The following CDKL5 variants were observed in gnomAD, a reference collection of about 807,000 sequenced individuals.
The protein encoded by CDKL5 is cyclin dependent kinase like 5.
CDKL5 carries 8 observed loss-of-function variants against 61.7 expected under a neutral mutation model. The ratio of observed to expected loss-of-function variants is 0.13; its 90% CI spans 0.08 to 0.23. The LOEUF is 0.23. Among genes scored for constraint, CDKL5 ranks in the 10% least tolerant of loss-of-function variants. The pLI, the probability that CDKL5 is intolerant of heterozygous loss-of-function variation, is 1.00. For synonymous variants in CDKL5, 275 were observed against 272.3 expected, an observed-to-expected ratio of 1.01 and a Z score of -0.10; for missense variants, 440 against 734.5, an observed-to-expected ratio of 0.60 and a Z score of 4.63.
intron 3 of CDKL5, among the ~76,000 whole-genome samples, chrX:18,538,606 G>C (rs1282475491): frequency 9.0e-6 from 1 of 111,615 alleles, no homozygotes; most frequent in Non-Finnish European, 1.9e-5. Context: ...TTTTGTACAA[G>C]GTGTGAGATA....
intron 1 of CDKL5, among the ~76,000 whole-genome samples, chrX:18,483,129 A>G (rs1353463284): frequency 3.6e-5 from 4 of 111,498 alleles, no homozygotes; most frequent in African/African-American, 1.3e-4. Context: ...TACATCATCT[A>G]TTGTGTTTCA....
At chrX:18,588,190 T>G in intron 9 of CDKL5, 47 bp downstream of exon 9, 1 of 969,026 alleles carries the variant, frequency 1.0e-6, no homozygotes, top group East Asian at 3.0e-5. Flanking sequence ...ACTGCAGTAT[T>G]TGAGTCATTG....
At chrX:18,588,383 T>C (rs1181513013) in intron 9 of CDKL5, 1 of 328,097 alleles carries the variant, frequency 3.0e-6, no homozygotes, top group African/African-American at 2.7e-5. Context: ...TTTTTCAAAA[T>C]CTTTTTTAGT....
At chrX:18,609,034 T>G in intron 13 of CDKL5, 122 bp downstream of exon 13, 1 of 531,277 alleles carries the variant, frequency 1.9e-6, no homozygotes, top group East Asian at 3.6e-5. Flanking sequence ...GTAAGTAGTT[T>G]TCCTTGTGGC....
At chrX:18,582,770 A>G (rs1020968637) in intron 7 of CDKL5, among the ~76,000 whole-genome samples, 50 of 111,653 alleles carry the variant, frequency 4.5e-4, no homozygotes, top group African/African-American at 1.6e-3. Flanking sequence ...CACAAGCAAG[A>G]AATAGAGGCA....
chrX:18,595,996 T>C (rs1925980407), intron 10 of CDKL5, among the ~76,000 whole-genome samples: 1 of 111,437 alleles, frequency 9.0e-6, no homozygotes, highest in African/African-American at 3.3e-5. Flanking sequence ...AATTTCTTTA[T>C]TCAAGTTTAT....
At chrX:18,608,114 C>A (rs1926424486) in intron 12 of CDKL5, among the ~76,000 whole-genome samples, 1 of 111,010 alleles carries the variant, frequency 9.0e-6, no homozygotes, top group African/African-American at 3.3e-5. Context: ...TCGGTGAACA[C>A]CATTGTGGAC....
chrX:18,504,767 T>C (rs1403320137), intron 1 of CDKL5, among the ~76,000 whole-genome samples: 1 of 108,539 alleles, frequency 9.2e-6, no homozygotes, highest in East Asian at 2.9e-4. Context: ...CCGTCTCTAC[T>C]AAAAAAAATA....
At position 18,575,400 on chromosome X, in the gene CDKL5, T is replaced by G. The variant is rs145496868; in HGVS notation, c.192T>G (p.Leu64=). The G allele has an allele frequency of 1.4e-4, 167 of 1,206,491 alleles. No homozygotes were observed. Among genetic ancestry groups the G allele is most frequent in the Middle Eastern group, 2.3e-4 (1 of 4,354 alleles). ...KETTLRELKM[L]RTLKQENIVE... is the part of the protein sequence containing the mutation. ...CGACTTTACGAGAGCTTAAAATGCT[T>G]CGGACTCTCAAGCAGGAAAACATTG... is the stretch of plus-strand genomic sequence containing the variant. The change falls in exon 5 of 18, where the codon CTT becomes CTG. Residue 64 remains leucine (L), a synonymous_variant. Coordinates refer to ENST00000623535, the MANE Select transcript of CDKL5 (RefSeq NM_001323289.2).
At position 18,608,837 on chromosome X, in the gene CDKL5, G is replaced by A; in HGVS notation, c.1971G>A (p.Met657Ile). The A allele has an allele frequency of 8.3e-7, 1 of 1,207,665 alleles. No individual in the cohort carries two copies. Among genetic ancestry groups the A allele is most frequent in the South Asian group, 1.8e-5 (1 of 56,857 alleles). ...PQPGEQLPPEMTVARSSVKET... is the reference protein window; with the variant it reads ...PQPGEQLPPEITVARSSVKET... ...CTGGAGAACAGCTCCCTCCAGAGATGACTGTGGCAAGATCTTCGGTCAAAG... is the reference window on the plus strand; with the variant it reads ...CTGGAGAACAGCTCCCTCCAGAGATAACTGTGGCAAGATCTTCGGTCAAAG... Residue 657 changes from methionine to isoleucine, a missense_variant, in exon 13 of 18, where the codon ATG becomes ATA. Physicochemically the swap from Met to Ile is conservative, Grantham distance 10 (BLOSUM62 1). Coordinates refer to ENST00000623535, the MANE Select transcript of CDKL5 (RefSeq NM_001323289.2).
At chrX:18,525,078 A>G (rs1362017698) in intron 3 of CDKL5, among the ~76,000 whole-genome samples, 2 of 111,121 alleles carry the variant, frequency 1.8e-5, no homozygotes, top group East Asian at 5.6e-4. Flanking sequence ...TCATGCCACC[A>G]TGCCCTGCTA....
intron 1 of CDKL5, among the ~76,000 whole-genome samples, chrX:18,469,188 A>G (rs1033958138): frequency 3.8e-5 from 4 of 105,967 alleles, no homozygotes; most frequent in African/African-American, 1.0e-4. Flanking sequence ...AAAATACAAA[A>G]ATTAGCCAGG....
chrX:18,435,262 T>A (rs1931585809), intron 1 of CDKL5, among the ~76,000 whole-genome samples: 1 of 111,919 alleles, frequency 8.9e-6, no homozygotes, highest in African/African-American at 3.2e-5. Context: ...ATATTAACTT[T>A]AATTGCTAGT....
At chrX:18,587,430 A>G (rs1925676378) in intron 8 of CDKL5, among the ~76,000 whole-genome samples, 1 of 111,732 alleles carries the variant, frequency 8.9e-6, no homozygotes, top group Non-Finnish European at 1.9e-5. Flanking sequence ...TCTTAGCACA[A>G]TCTTAGTCAT....
At chrX:18,652,584 G>A (rs892202938) in intron 21 of CDKL5, among the ~76,000 whole-genome samples, 11 of 111,249 alleles carry the variant, frequency 9.9e-5, no homozygotes, top group East Asian at 2.8e-4. Flanking sequence ...CAGGAGAATC[G>A]CTTGAACCCA....
chrX:18,473,581 T>A (rs1288419651), intron 1 of CDKL5, among the ~76,000 whole-genome samples: 2 of 110,194 alleles, frequency 1.8e-5, no homozygotes, highest in Admixed American at 2.0e-4. Flanking sequence ...CCTCCACTTT[T>A]CCCCCTTCTC....
At chrX:18,489,745 A>G (rs192761825) in intron 1 of CDKL5, among the ~76,000 whole-genome samples, 1,332 of 110,269 alleles carry the variant, frequency 0.012, 12 homozygotes, top group Non-Finnish European at 0.02. Context: ...TCTCCCTGAA[A>G]TGTACAAAAC....
chrX:18,616,255 G>T, intron 15 of CDKL5, among the ~76,000 whole-genome samples: 1 of 112,121 alleles, frequency 8.9e-6, no homozygotes, highest in Middle Eastern at 4.6e-3. Flanking sequence ...AAGACAAAAT[G>T]TATAAATATG....
Position 18,509,197 on chromosome X carries a change from G to GCACGCGCGCGCGCA in CDKL5, c.65-1620_65-1619insGCGCGCGCGCACAC, listed in dbSNP as rs1204561636. ...AGAGAGCGAGACTGTCTCAAAACACGCACACACACACACACACACACACAC... is the reference window on the plus strand; with the variant it reads ...AGAGAGCGAGACTGTCTCAAAACACGCACGCGCGCGCGCACACACACACACACACACACACACAC... On this transcript the variant is annotated intron_variant, in intron 2 of 17. Coordinates refer to ENST00000623535, the MANE Select transcript of CDKL5 (RefSeq NM_001323289.2). Among the ~76,000 whole-genome samples the GCACGCGCGCGCGCA allele has an allele frequency of 5.1e-4, 33 of 64,308 alleles. No individual in the cohort carries two copies. In the East Asian group the frequency reaches 0.015, roughly 30 times the overall value. The allele number at this position is 64,308 out of a possible 115,157, so 55.8% of individuals were successfully genotyped here.
Sources: allele counts gnomAD v4.1 joint callset (sites outside exome capture counted in the v4.1 genomes callset), GRCh38; gene constraint gnomAD v4.1.1; transcripts MANE v1.5; gene names NCBI Gene and HGNC (gene_info 2026-07-23, HGNC 2026-07-21).